Variants in STK32B observed in about 807,000 individuals in gnomAD.
STK32B encodes serine/threonine kinase 32B.
In STK32B, 43 loss-of-function variants were observed where a neutral mutation model predicts 52.6. That is an observed-to-expected ratio of 0.82 (90% CI 0.64 to 1.05). The LOEUF is 1.05. STK32B is among the 50% of genes least tolerant of loss of function. The probability of loss-of-function intolerance (pLI) is 0.00; values close to 1 mark genes in which losing one functional copy is unlikely to be tolerated. For synonymous variants in STK32B, 238 were observed against 204.3 expected (o/e 1.17, Z -1.41); for missense variants, 621 against 534.6 (o/e 1.16, Z -1.59).
intron 1 of STK32B, among the ~76,000 whole-genome samples, chr4:5,098,029 A>C (rs1178247198): frequency 6.6e-6 from 1 of 152,178 alleles, no homozygotes; most frequent in Admixed American, 6.5e-5. Flanking sequence ...GTGATCTCTT[A>C]CCTGCTAACA....
the STK32B span, among the ~76,000 whole-genome samples, chr4:5,037,020 T>G: frequency 2.6e-5 from 4 of 152,120 alleles, no homozygotes; most frequent in African/African-American, 9.7e-5. Context: ...TGTGGATGCA[T>G]CCTGTGGAAA....
At chr4:5,197,110 G>A (rs1461792353) in intron 3 of STK32B, among the ~76,000 whole-genome samples, 1 of 152,210 alleles carries the variant, frequency 6.6e-6, no homozygotes, top group Non-Finnish European at 1.5e-5. Context: ...GATGTCTGCA[G>A]GGGAAGGCAG....
At position 5,159,723 on chromosome 4, in the gene STK32B, A is replaced by T. The variant is rs1254343259; in HGVS notation, c.109-8576A>T. On this transcript the variant is annotated intron_variant, in intron 2 of 11. Transcript: ENST00000282908. The stretch of plus-strand genomic sequence containing the variant: ...TATATATGAATATATATATGAATGT[A>T]TATGAATATATATATGAATATATGA... Among the ~76,000 whole-genome samples, 27 of 121,466 alleles carry T rather than the reference A, an allele frequency of 2.2e-4. 1 individual carries two copies. Among genetic ancestry groups the T allele is most frequent in the Middle Eastern group, 4.3e-3 (1 of 230 alleles). The allele number at this position is 121,466 out of a possible 152,430, so 79.7% of individuals were successfully genotyped here.
rs1386490939 is a variant in STK32B at position 5,469,620 on chromosome 4, G to A, written c.1106+1550G>A. Reference sequence around the variant, plus strand: ...CGATGCTGGGGAGGCAAAGGAGGCAGCAGCCTTTCACTGACCCTGAGTGGC... The same window carrying A: ...CGATGCTGGGGAGGCAAAGGAGGCAACAGCCTTTCACTGACCCTGAGTGGC... On this transcript the variant is annotated intron_variant, in intron 11 of 11. Transcript: ENST00000282908. This position sits in a 1 kb window ranked among gnomAD's most constrained non-coding sequence, Gnocchi z 4.7. 6.6e-6 allele frequency among the ~76,000 whole-genome samples: 1 copy of A among 152,214 alleles called. No individual in the cohort carries two copies. The highest frequency in any genetic ancestry group is 1.5e-5 in the Non-Finnish European group (1 of 68,040).
At chr4:5,489,213 TTTA>T (rs1373671408) in intron 11 of STK32B, among the ~76,000 whole-genome samples, 37 of 152,212 alleles carry the variant, frequency 2.4e-4, no homozygotes, top group African/African-American at 8.4e-4. Context: ...GTTTATCTGC[TTTA>T]TTAATTTTTA....
chr4:5,306,296 G>A (rs755673380), intron 3 of STK32B, among the ~76,000 whole-genome samples: 63 of 152,216 alleles, frequency 4.1e-4, no homozygotes, highest in Non-Finnish European at 6.8e-4. Flanking sequence ...AGTGCTGTCC[G>A]TGGAATATTG....
chr4:5,079,814 A>G (rs989060747), intron 1 of STK32B, among the ~76,000 whole-genome samples: 53 of 152,178 alleles, frequency 3.5e-4, no homozygotes, highest in African/African-American at 1.2e-3. Context: ...ATTTGCTACA[A>G]CATGAATGAA....
intron 1 of STK32B, among the ~76,000 whole-genome samples, chr4:5,133,343 G>C (rs1715889839): frequency 6.6e-6 from 1 of 152,142 alleles, no homozygotes; most frequent in South Asian, 2.1e-4. Flanking sequence ...CATGATAGAT[G>C]CCTGCCACAG....
intron 4 of STK32B, among the ~76,000 whole-genome samples, chr4:5,359,751 C>T (rs76929373): frequency 0.01 from 1,585 of 152,136 alleles, 26 homozygotes; most frequent in East Asian, 0.076. Flanking sequence ...TATGGAGGCT[C>T]CAAGAGGAAG....
rs1717786296 is a variant in STK32B at position 5,470,643 on chromosome 4, G to T, written c.1106+2573G>T. On this transcript the variant is annotated intron_variant, in intron 11 of 11. Coordinates refer to ENST00000282908, the MANE Select transcript of STK32B (RefSeq NM_018401.3). The surrounding 1 kb of genome is among the most constrained non-coding windows in gnomAD (Gnocchi z 4.6). ...CGACCCCATCCCCACCTCATCTTGT[G>T]GGAAGAGAGCCATGCTCCATCTACC... is the stretch of plus-strand genomic sequence containing the variant. Among the ~76,000 whole-genome samples, 1 of 150,942 alleles carries T rather than the reference G, an allele frequency of 6.6e-6. No homozygotes were observed. Among genetic ancestry groups the T allele is most frequent in the Non-Finnish European group, 1.5e-5 (1 of 67,892 alleles).
chr4:5,127,483 A>T (rs1441061888), intron 1 of STK32B, among the ~76,000 whole-genome samples: 1 of 152,152 alleles, frequency 6.6e-6, no homozygotes, highest in Non-Finnish European at 1.5e-5. Flanking sequence ...TGAACCTCTT[A>T]TTCATGTCAG....
chr4:5,199,834 A>C (rs1168216954), intron 3 of STK32B, among the ~76,000 whole-genome samples: 2 of 123,552 alleles, frequency 1.6e-5, no homozygotes, highest in Non-Finnish European at 3.3e-5. Context: ...AGCCTTCCCC[A>C]CTCCCACCTG....
intron 3 of STK32B, among the ~76,000 whole-genome samples, chr4:5,299,266 TTA>T (rs1255095367): frequency 1.3e-5 from 2 of 152,014 alleles, no homozygotes; most frequent in African/African-American, 4.8e-5. Flanking sequence ...ATCCTTCTTT[TTA>T]TCTTTTTTTA....
intron 3 of STK32B, among the ~76,000 whole-genome samples, chr4:5,245,834 G>C (rs1275633623): frequency 6.6e-6 from 1 of 152,092 alleles, no homozygotes; most frequent in African/African-American, 2.4e-5. Flanking sequence ...ACTTATGAAG[G>C]TTAGTTTGGT....
chr4:5,340,429 G>T (rs1199629887), intron 4 of STK32B, among the ~76,000 whole-genome samples: 1 of 152,236 alleles, frequency 6.6e-6, no homozygotes, highest in Non-Finnish European at 1.5e-5. Context: ...GGGCAGAAGG[G>T]CCCAAACTTG....
intron 3 of STK32B, among the ~76,000 whole-genome samples, chr4:5,319,987 G>A (rs1400476254): frequency 1.3e-5 from 2 of 152,124 alleles, no homozygotes; most frequent in South Asian, 4.2e-4. Context: ...TAGCTGCAAG[G>A]GAGTCTGTGA....
At chr4:5,047,686 G>A (rs555952075), upstream of STK32B, among the ~76,000 whole-genome samples, 2 of 152,300 alleles carry the variant, frequency 1.3e-5, no homozygotes, top group African/African-American at 4.8e-5. Flanking sequence ...TGGATGACAG[G>A]AAAGCCGGGT....
intron 1 of STK32B, among the ~76,000 whole-genome samples, chr4:5,085,084 C>T (rs1474281353): frequency 1.3e-5 from 2 of 152,150 alleles, no homozygotes; most frequent in Non-Finnish European, 2.9e-5. Context: ...ACAAATGTTT[C>T]TGTGGTCAAA....
At chr4:5,437,394 C>T (rs1421586043) in intron 6 of STK32B, among the ~76,000 whole-genome samples, 1 of 152,218 alleles carries the variant, frequency 6.6e-6, no homozygotes, top group Non-Finnish European at 1.5e-5. Context: ...TAGCTCCAGG[C>T]GTTCCTTGGC....
Sources: allele counts gnomAD v4.1 joint callset (sites outside exome capture counted in the v4.1 genomes callset), GRCh38; gene constraint gnomAD v4.1.1; non-coding constraint Gnocchi (gnomAD v3.1); transcripts MANE v1.5; gene names NCBI Gene and HGNC (gene_info 2026-07-23, HGNC 2026-07-21).